GALNT7: variants seen among roughly 807,000 people sequenced by gnomAD.
The protein encoded by GALNT7 is polypeptide N-acetylgalactosaminyltransferase 7.
A neutral mutation model predicts 82.1 loss-of-function variants in GALNT7; 60 were observed. The ratio of observed to expected loss-of-function variants is 0.73; its 90% CI spans 0.59 to 0.91. The LOEUF is 0.91. GALNT7 is among the 40% of genes least tolerant of loss of function. GALNT7 has a pLI of 0.00. For synonymous variants in GALNT7, 243 were observed against 275.1 expected (o/e 0.88, Z 1.15); for missense variants, 660 against 804.2 (o/e 0.82, Z 2.17).
chr4:173,289,129 TGCCCTA>T (rs950312466), intron 2 of GALNT7, among the ~76,000 whole-genome samples: 1 of 152,090 alleles, frequency 6.6e-6, no homozygotes, highest in Non-Finnish European at 1.5e-5. Context: ...AACCTTCAGT[TGCCCTA>T]GGACCTCCTT....
At chr4:173,203,294 C>T (rs939518351) in intron 1 of GALNT7, among the ~76,000 whole-genome samples, 4 of 152,140 alleles carry the variant, frequency 2.6e-5, no homozygotes, top group Non-Finnish European at 5.9e-5. Context: ...GGAGTTTCAC[C>T]GTTAGCCAGA....
chr4:173,286,251 A>G (rs926472317), intron 2 of GALNT7, among the ~76,000 whole-genome samples: 3 of 152,196 alleles, frequency 2.0e-5, no homozygotes, highest in African/African-American at 7.2e-5. Context: ...CAAGTTCTCC[A>G]GTTTCCTTTG....
At position 173,321,656 on chromosome 4, in the gene GALNT7, C is replaced by A; in HGVS notation, c.1913C>A (p.Ser638Tyr). Residue 638 changes from serine (S) to tyrosine (Y), a missense_variant, in exon 12 of 12, where the codon TCC (serine) becomes TAC (tyrosine). Transcript: ENST00000265000. ...GAGGTCCTGCATCAAGTATTCATCT[C>A]CAATTGTGACTCCAGTAAAACGACT... is the stretch of plus-strand genomic sequence containing the variant. ...RSEVLHQVFI[S>Y]NCDSSKTTQK... 6.2e-7 allele frequency: 1 copy of A among 1,603,148 alleles called. No homozygotes were observed. The highest frequency in any genetic ancestry group is 8.5e-7 in the Non-Finnish European group (1 of 1,170,090).
At chr4:173,257,102 C>T (rs115763467) in intron 2 of GALNT7, among the ~76,000 whole-genome samples, 2 of 152,262 alleles carry the variant, frequency 1.3e-5, no homozygotes, top group African/African-American at 4.8e-5. Flanking sequence ...AAAGGACCTG[C>T]GTTGGAGAGA....
intron 2 of GALNT7, among the ~76,000 whole-genome samples, chr4:173,265,027 C>G (rs1327517562): frequency 6.6e-6 from 1 of 152,224 alleles, no homozygotes; most frequent in East Asian, 1.9e-4. Context: ...GCAACTTGCA[C>G]TGTTTGGCAA....
chr4:173,318,629 T>C (rs1352775666), intron 11 of GALNT7, 70 bp downstream of exon 11: 2 of 984,180 alleles, frequency 2.0e-6, no homozygotes, highest in Non-Finnish European at 3.1e-6. Context: ...ATGTGGAATT[T>C]AGATAAATAA....
At position 173,295,302 on chromosome 4, in the gene GALNT7, C is replaced by A. The variant is rs910108149; in HGVS notation, c.755-94C>A. ...CTGGTCCATGTAAAATTACTGTCTA[C>A]CCAATGCACCTGTATTCTTGTTTCC... On this transcript the variant is annotated intron_variant, in intron 3 of 11. Transcript: ENST00000265000. The A allele has an allele frequency of 4.9e-6, 4 of 812,258 alleles. No homozygotes were observed. The African/African-American group carries it at 6.8e-5, about 14-fold the overall frequency. 50.3% of individuals were successfully genotyped at this position (812,258 alleles called of 1,614,324 possible).
intron 8 of GALNT7, among the ~76,000 whole-genome samples, chr4:173,304,613 A>G (rs1309849193): frequency 6.6e-6 from 1 of 152,032 alleles, no homozygotes; most frequent in Non-Finnish European, 1.5e-5. Context: ...TATAAATTGT[A>G]GTCACCATGT....
At chr4:173,254,604 C>G (rs746711656) in intron 2 of GALNT7, among the ~76,000 whole-genome samples, 5 of 152,136 alleles carry the variant, frequency 3.3e-5, no homozygotes, top group African/African-American at 7.2e-5. Flanking sequence ...ATATATGAAT[C>G]ATGTATATGC....
chr4:173,193,770 G>A (rs1259663382), intron 1 of GALNT7, among the ~76,000 whole-genome samples: 1 of 151,994 alleles, frequency 6.6e-6, no homozygotes, highest in Non-Finnish European at 1.5e-5. Flanking sequence ...TAGTTTTTTT[G>A]GGTGGTTAAG....
chr4:173,288,059 G>A (rs938153848), intron 2 of GALNT7, among the ~76,000 whole-genome samples: 9 of 151,802 alleles, frequency 5.9e-5, no homozygotes, highest in Admixed American at 2.0e-4. Flanking sequence ...CGAGGCGGGC[G>A]GATCACGAGG....
At chr4:173,182,770 C>A (rs1732292733) in intron 1 of GALNT7, among the ~76,000 whole-genome samples, 1 of 131,928 alleles carries the variant, frequency 7.6e-6, no homozygotes. Context: ...CACACAGACA[C>A]AACAGCGTGT....
rs575005075 is a variant in GALNT7, at chr4:173,322,898, C to T, written c.*1181C>T. ...TTTAAAAATACAGTTTATTAACAAA[C>T]GTGAACTACTTTCTGTTACATTAGG... On this transcript the variant is annotated 3_prime_UTR_variant, in exon 12 of 12. Transcript: ENST00000265000. 16 of 152,192 alleles carry T rather than the reference C, an allele frequency of 1.1e-4. No homozygotes were observed. The highest frequency in any genetic ancestry group is 2.4e-4 in the African/African-American group (10 of 41,548). 9.4% of individuals were successfully genotyped at this position (152,192 alleles called of 1,614,324 possible).
chr4:173,257,428 T>G (rs1032066913), intron 2 of GALNT7, among the ~76,000 whole-genome samples: 20 of 152,234 alleles, frequency 1.3e-4, no homozygotes, highest in African/African-American at 4.8e-4. Flanking sequence ...AAAGGTACAC[T>G]TGGTATATCA....
At chr4:173,205,781 C>G (rs1358066529) in intron 1 of GALNT7, among the ~76,000 whole-genome samples, 1 of 152,152 alleles carries the variant, frequency 6.6e-6, no homozygotes, top group Non-Finnish European at 1.5e-5. Flanking sequence ...TAGAGGCTGG[C>G]CTGGTGCTGG....
intron 2 of GALNT7, among the ~76,000 whole-genome samples, chr4:173,270,779 G>A (rs1339608622): frequency 3.3e-5 from 5 of 152,228 alleles, no homozygotes; most frequent in Admixed American, 3.3e-4. Flanking sequence ...TCTTCCAGCA[G>A]AGCTCTTGTA....
At position 173,170,133 on chromosome 4, in the gene GALNT7, C is replaced by T. The variant is rs373597799; in HGVS notation, c.126+1172C>T. Among the ~76,000 whole-genome samples, 31 of 152,268 alleles carry T rather than the reference C, an allele frequency of 2.0e-4. No individual in the cohort carries two copies. The East Asian group carries it at 5.6e-3, about 28-fold the overall frequency. ...CCTCGCCCCCGACCCTGACCTGCTT[C>T]CCCCCGGATGAACCGTTGCACCACC... is the stretch of plus-strand genomic sequence containing the variant. On this transcript the variant is annotated intron_variant, in intron 1 of 11. Transcript: ENST00000265000.
At position 173,268,819 on chromosome 4, in the gene GALNT7, G is replaced by A. The variant is rs144471386; in HGVS notation, c.587+20379G>A. Among the ~76,000 whole-genome samples the A allele has an allele frequency of 2.2e-3, 332 of 151,832 alleles. 2 individuals are homozygous for A. Among genetic ancestry groups the A allele is most frequent in the African/African-American group, 7.8e-3 (324 of 41,422 alleles). ...CTCCCAAAGTGCTGGGATTACAGGCGTGAGCCACCGCACCCGGACACTTGT... is the reference window on the plus strand; with the variant it reads ...CTCCCAAAGTGCTGGGATTACAGGCATGAGCCACCGCACCCGGACACTTGT... On this transcript the variant is annotated intron_variant, in intron 2 of 11. Transcript: ENST00000265000.
chr4:173,256,346 T>A (rs1735036312), intron 2 of GALNT7, among the ~76,000 whole-genome samples: 1 of 152,200 alleles, frequency 6.6e-6, no homozygotes, highest in African/African-American at 2.4e-5. Flanking sequence ...TCCAAAGACC[T>A]ACAAAAAGGA....
Sources: allele counts gnomAD v4.1 joint callset (sites outside exome capture counted in the v4.1 genomes callset), GRCh38; gene constraint gnomAD v4.1.1; transcripts MANE v1.5; gene names NCBI Gene and HGNC (gene_info 2026-07-23, HGNC 2026-07-21).